KCNQ1: variants seen among roughly 807,000 people sequenced by gnomAD.
KCNQ1 encodes potassium voltage-gated channel subfamily Q member 1.
KCNQ1 carries 49 observed loss-of-function variants against 72.4 expected under a neutral mutation model. The ratio of observed to expected loss-of-function variants is 0.68; its 90% CI spans 0.54 to 0.86. The LOEUF (loss-of-function observed/expected upper bound fraction) is 0.86, where lower values mean the gene tolerates loss of function less well. Ranked by LOEUF, KCNQ1 falls within the 40% of genes least tolerant of loss-of-function variation. The probability of loss-of-function intolerance (pLI) is 0.00; values close to 1 mark genes in which losing one functional copy is unlikely to be tolerated. For missense variants in KCNQ1, 790 were observed against 945.1 expected (o/e 0.84, Z 2.15); for synonymous variants, 450 against 412.6 (o/e 1.09, Z -1.10).
At chr11:2,456,972 A>C (rs1216102220) in intron 1 of KCNQ1, among the ~76,000 whole-genome samples, 1 of 151,254 alleles carries the variant, frequency 6.6e-6, no homozygotes, top group Non-Finnish European at 1.5e-5. Context: ...AAAACCCAAA[A>C]AAACAAAAAG....
At chr11:2,525,627 G>C (rs1564806553) in intron 1 of KCNQ1, among the ~76,000 whole-genome samples, 1 of 152,226 alleles carries the variant, frequency 6.6e-6, no homozygotes, top group Non-Finnish European at 1.5e-5. Flanking sequence ...CAGCGCTTTG[G>C]GCAGGCGGGA....
chr11:2,789,638 G>A (rs1197514855), intron 15 of KCNQ1, among the ~76,000 whole-genome samples: 1 of 152,204 alleles, frequency 6.6e-6, no homozygotes, highest in Non-Finnish European at 1.5e-5. Flanking sequence ...GGACAGCTGC[G>A]CTCCGGGATG....
chr11:2,681,768 G>A (rs1850402470), intron 11 of KCNQ1: 2 of 398,442 alleles, frequency 5.0e-6, no homozygotes, highest in Non-Finnish European at 8.8e-6. Context: ...GGGGGCCCTG[G>A]GACCTGGGAG....
rs923660975 is a variant in KCNQ1 at position 2,498,995 on chromosome 11, C to T, written c.387-28933C>T. Among the ~76,000 whole-genome samples, 8 of 152,164 alleles carry T rather than the reference C, an allele frequency of 5.3e-5. No homozygotes were observed. Among genetic ancestry groups the T allele is most frequent in the Admixed American group, 2.6e-4 (4 of 15,270 alleles). On this transcript the variant is annotated intron_variant, in intron 1 of 15. Coordinates refer to ENST00000155840, the MANE Select transcript of KCNQ1 (RefSeq NM_000218.3). This position sits in a 1 kb window ranked among gnomAD's most constrained non-coding sequence, Gnocchi z 4.8. ...GGGAGGGAGGTCTCCCGGCTCCTTG[C>T]ACTTCCCAGGTGAGGCGATGCCCCA...
chr11:2,591,009 C>T (rs922905782), intron 10 of KCNQ1, among the ~76,000 whole-genome samples: 2 of 152,260 alleles, frequency 1.3e-5, no homozygotes, highest in Non-Finnish European at 1.5e-5. Flanking sequence ...AGCAGCCGTC[C>T]CTTTACCCTT....
At chr11:2,560,200 C>A (rs1589950580) in intron 2 of KCNQ1, among the ~76,000 whole-genome samples, 1 of 95,274 alleles carries the variant, frequency 1.0e-5, no homozygotes, top group African/African-American at 4.4e-5. Flanking sequence ...TGACATCCAT[C>A]CTGGGGGGAC....
chr11:2,659,985 T>A lies in KCNQ1; in HGVS notation c.1394-1976T>A. The A allele has an allele frequency of 2.5e-6, 1 of 398,484 alleles. No homozygotes were observed. The highest frequency in any genetic ancestry group is 3.6e-5 in the East Asian group (1 of 28,022). 24.7% of individuals were successfully genotyped at this position (398,484 alleles called of 1,614,324 possible). The stretch of plus-strand genomic sequence containing the variant: ...TATGCAAATATTCTTTCCAAGTCTG[T>A]GCTTTGTCTTTTCATTCCATTAGCA... On this transcript the variant is annotated intron_variant, in intron 10 of 15. Transcript: ENST00000155840. This position sits in a 1 kb window ranked among gnomAD's most constrained non-coding sequence, Gnocchi z 4.3.
intron 11 of KCNQ1, among the ~76,000 whole-genome samples, chr11:2,702,062 T>G (rs1850824534): frequency 1.3e-5 from 2 of 152,222 alleles, no homozygotes; most frequent in African/African-American, 2.4e-5. Context: ...CCCCCAGGCC[T>G]CCTCTGGCCT....
chr11:2,708,287 C>G (rs1850945114), intron 11 of KCNQ1, among the ~76,000 whole-genome samples: 1 of 152,218 alleles, frequency 6.6e-6, no homozygotes, highest in African/African-American at 2.4e-5. Context: ...CCTTTCCTCA[C>G]TGGTGTCTGC....
chr11:2,694,982 G>A (rs951201098), intron 11 of KCNQ1: 1 of 398,558 alleles, frequency 2.5e-6, no homozygotes, highest in Non-Finnish European at 4.4e-6. Flanking sequence ...GAAGAAGAAG[G>A]CTGGCAGAGC....
intron 10 of KCNQ1, chr11:2,632,981 G>C: frequency 2.5e-6 from 1 of 398,190 alleles, no homozygotes. Flanking sequence ...TAGTTTTTTT[G>C]ACAAAACACC....
intron 10 of KCNQ1, chr11:2,639,233 C>G (rs1356196839): frequency 1.3e-5 from 2 of 152,252 alleles, no homozygotes; most frequent in Non-Finnish European, 2.9e-5. Flanking sequence ...CATTCTCCGT[C>G]CAGCTTTGTT....
In KCNQ1 at chr11:2,848,371, G is replaced by A; in HGVS notation, c.*368G>A. ...GCTGAGTGCAGGCCCACCCTGCTTGGCCCAGGGGGCTTCCTGAGGGGAGAC... is the reference window on the plus strand; with the variant it reads ...GCTGAGTGCAGGCCCACCCTGCTTGACCCAGGGGGCTTCCTGAGGGGAGAC... On this transcript the variant is annotated 3_prime_UTR_variant, in exon 16 of 16. Transcript: ENST00000155840. The A allele has an allele frequency of 1.9e-6, 1 of 518,290 alleles. No homozygotes were observed. The highest frequency in any genetic ancestry group is 3.7e-6 in the Non-Finnish European group (1 of 268,744). 32.1% of individuals were successfully genotyped at this position (518,290 alleles called of 1,614,324 possible).
chr11:2,711,847 G>C lies in KCNQ1; in HGVS notation c.1514+49766G>C, dbSNP rs77834884. Among the ~76,000 whole-genome samples, 656 of 152,314 alleles carry C rather than the reference G, an allele frequency of 4.3e-3. 5 individuals carry two copies. The highest frequency in any genetic ancestry group is 5.1e-3 in the Non-Finnish European group (344 of 68,026). ...AGGGTCCTGGCACTGCTTCTGAGGA[G>C]GGTGCCTTTGAGGGGAGGCAGAGTT... is the stretch of plus-strand genomic sequence containing the variant. On this transcript the variant is annotated intron_variant, in intron 11 of 15. Coordinates refer to ENST00000155840, the MANE Select transcript of KCNQ1 (RefSeq NM_000218.3). This position sits in a 1 kb window ranked among gnomAD's most constrained non-coding sequence, Gnocchi z 5.4.
chr11:2,581,169 C>T (rs1422859370), intron 6 of KCNQ1, among the ~76,000 whole-genome samples: 1 of 152,198 alleles, frequency 6.6e-6, no homozygotes, highest in East Asian at 1.9e-4. Flanking sequence ...GGCCAGGGTC[C>T]CTGCCCTGCC....
chr11:2,846,818 C>T (rs1015181553), intron 15 of KCNQ1, among the ~76,000 whole-genome samples: 17 of 152,280 alleles, frequency 1.1e-4, no homozygotes, highest in Non-Finnish European at 2.4e-4. Flanking sequence ...GCTGCCTCCG[C>T]AGCACTGCGA....
chr11:2,781,225 A>C lies in KCNQ1; in HGVS notation c.1794+3188A>C, dbSNP rs893421305. Among the ~76,000 whole-genome samples, 6 of 152,166 alleles carry C rather than the reference A, an allele frequency of 3.9e-5. No individual in the cohort carries two copies. The highest frequency in any genetic ancestry group is 1.4e-4 in the African/African-American group (6 of 41,426). On this transcript the variant is annotated intron_variant, in intron 15 of 15. Coordinates refer to ENST00000155840, the MANE Select transcript of KCNQ1 (RefSeq NM_000218.3). The surrounding 1 kb of genome is among the most constrained non-coding windows in gnomAD (Gnocchi z 6.6). ...CTTATTTGCTCAAATGCCCACATAA[A>C]TCCTCTTTTACAGATGGGGAAACCG...
chr11:2,724,360 G>C lies in KCNQ1; in HGVS notation c.1515-44484G>C, dbSNP rs939079306. Among the ~76,000 whole-genome samples, 1 of 152,166 alleles carries C rather than the reference G, an allele frequency of 6.6e-6. No individual in the cohort carries two copies. The highest frequency in any genetic ancestry group is 1.5e-5 in the Non-Finnish European group (1 of 68,030). On this transcript the variant is annotated intron_variant, in intron 11 of 15. Transcript: ENST00000155840. The surrounding 1 kb of genome is among the most constrained non-coding windows in gnomAD (Gnocchi z 6.8). ...GTGACAGCGTCCTCCCGCCCGGATT[G>C]GGTTTCTGCACAGTGGAATGGAGCT...
intron 10 of KCNQ1, chr11:2,636,757 A>G (rs979142330): frequency 1.3e-5 from 2 of 152,300 alleles, no homozygotes; most frequent in African/African-American, 4.8e-5. Flanking sequence ...TTCAGAAGGC[A>G]TAGTACCAGC....
Sources: allele counts gnomAD v4.1 joint callset (sites outside exome capture counted in the v4.1 genomes callset), GRCh38; gene constraint gnomAD v4.1.1; non-coding constraint Gnocchi (gnomAD v3.1); transcripts MANE v1.5; gene names NCBI Gene and HGNC (gene_info 2026-07-23, HGNC 2026-07-21).